Variants in LNP1 observed in about 807,000 individuals in gnomAD.
The protein encoded by LNP1 is leukemia NUP98 fusion partner 1.
LNP1 carries 12 observed loss-of-function variants against 14.5 expected under a neutral mutation model. That is an observed-to-expected ratio of 0.83 (90% confidence interval 0.53 to 1.34). LNP1 has a LOEUF of 1.34. Among genes scored for constraint, LNP1 ranks in the 40% most tolerant of loss-of-function variants. The pLI is 0.00. For missense variants in LNP1, 198 were observed against 210.9 expected, an observed-to-expected ratio of 0.94 and a Z score of 0.38; for synonymous variants, 75 against 71.4, an observed-to-expected ratio of 1.05 and a Z score of -0.26.
At chr3:100,447,391 T>C (rs58560286) in intron 2 of LNP1, among the ~76,000 whole-genome samples, 12,960 of 152,088 alleles carry the variant, frequency 0.085, 570 homozygotes, top group South Asian at 0.1. Flanking sequence ...TAGGTGGGAA[T>C]TGAACAATGA....
chr3:100,416,074 T>C (rs1707080825), intron 1 of LNP1, among the ~76,000 whole-genome samples: 1 of 152,242 alleles, frequency 6.6e-6, no homozygotes, highest in Admixed American at 6.5e-5. Context: ...TTGATTCCTT[T>C]GCAAGGCAGA....
chr3:100,440,494 C>T (rs1408076094), intron 2 of LNP1, among the ~76,000 whole-genome samples: 3 of 152,174 alleles, frequency 2.0e-5, no homozygotes, highest in African/African-American at 7.2e-5. Context: ...TAGTTCCTGT[C>T]TCCCTGTACT....
chr3:100,430,031 T>G, intron 2 of LNP1, 146 bp downstream of exon 2: 1 of 770,038 alleles, frequency 1.3e-6, no homozygotes, highest in Non-Finnish European at 2.1e-6. Flanking sequence ...CACAGAAATC[T>G]CTCTTATTAT....
At chr3:100,431,719 G>A (rs1304791951) in intron 2 of LNP1, among the ~76,000 whole-genome samples, 3 of 151,058 alleles carry the variant, frequency 2.0e-5, no homozygotes, top group Non-Finnish European at 4.4e-5. Flanking sequence ...TTGGCGTGGT[G>A]CCATGGTTCA....
intron 1 of LNP1, among the ~76,000 whole-genome samples, chr3:100,423,726 A>G (rs529289830): frequency 3.3e-5 from 5 of 152,200 alleles, no homozygotes; most frequent in African/African-American, 1.2e-4. Context: ...CTTGAGTGTC[A>G]GCATGATACT....
intron 1 of LNP1, among the ~76,000 whole-genome samples, chr3:100,427,559 C>G (rs542257778): frequency 6.6e-6 from 1 of 152,324 alleles, no homozygotes; most frequent in East Asian, 1.9e-4. Flanking sequence ...TTTCCCAAAC[C>G]CTGCTTTAGC....
At chr3:100,429,657 G>A (rs1386058820) in intron 1 of LNP1, 40 bp from the exon 2 acceptor site, 2 of 1,357,350 alleles carry the variant, frequency 1.5e-6, no homozygotes, top group African/African-American at 2.9e-5. Context: ...GGGTTTCATT[G>A]TCAGCCCTGT....
chr3:100,439,440 C>A (rs1576234316), intron 2 of LNP1, among the ~76,000 whole-genome samples: 1 of 152,124 alleles, frequency 6.6e-6, no homozygotes, highest in African/African-American at 2.4e-5. Context: ...CACTGTGCTC[C>A]CCAGCACCAC....
chr3:100,416,599 TTGTGTGTG>T (rs769199967), intron 1 of LNP1, among the ~76,000 whole-genome samples: 29 of 94,662 alleles, frequency 3.1e-4, no homozygotes, highest in African/African-American at 4.2e-4. Flanking sequence ...TATATCTTTT[TTGTGTGTG>T]TGTGTGTGTG....
Position 100,455,780 on chromosome 3 carries a change from C to G in LNP1, c.391C>G (p.Pro131Ala). ...FRTKRSASLG[P>A]ESRKERNERE... is the part of the protein sequence containing the mutation. ...GTTTCTGATCTTTCCCTTTCAGGGA[C>G]CTGAAAGCAGAAAGGAGAGAAATGA... The change falls in exon 4 of 4, where the codon CCT becomes GCT. Residue 131 changes from proline to alanine, a missense_variant. Transcript: ENST00000383693. The G allele has an allele frequency of 6.2e-7, 1 of 1,613,724 alleles. No homozygotes were observed.
At chr3:100,452,866 T>G (rs1199506312) in intron 3 of LNP1, among the ~76,000 whole-genome samples, 1 of 152,136 alleles carries the variant, frequency 6.6e-6, no homozygotes, top group East Asian at 1.9e-4. Flanking sequence ...TCAATTAATG[T>G]GGGGGTAGTT....
intron 2 of LNP1, among the ~76,000 whole-genome samples, chr3:100,431,968 C>T (rs1707245589): frequency 7.7e-6 from 1 of 129,292 alleles, no homozygotes; most frequent in African/African-American, 3.1e-5. Context: ...GCTTTCCAAC[C>T]TGGGTAACAG....
chr3:100,425,469 C>T (rs1174239956), intron 1 of LNP1, among the ~76,000 whole-genome samples: 1 of 152,162 alleles, frequency 6.6e-6, no homozygotes, highest in African/African-American at 2.4e-5. Flanking sequence ...TGAATCAAGC[C>T]AGCATCCTGG....
intron 2 of LNP1, among the ~76,000 whole-genome samples, chr3:100,432,643 A>G (rs75137033): frequency 0.038 from 5,733 of 152,308 alleles, 389 homozygotes; most frequent in East Asian, 0.31. Context: ...TCCTTAGTGA[A>G]AAAACATAAT....
intron 1 of LNP1, among the ~76,000 whole-genome samples, chr3:100,404,273 T>C (rs1367020788): frequency 1.3e-5 from 2 of 152,244 alleles, no homozygotes; most frequent in Non-Finnish European, 2.9e-5. Context: ...AATGTTCTTT[T>C]CCTTGGCTTC....
chr3:100,412,690 A>C (rs1220010715), intron 1 of LNP1, among the ~76,000 whole-genome samples: 4 of 152,194 alleles, frequency 2.6e-5, no homozygotes, highest in African/African-American at 7.2e-5. Flanking sequence ...ATGTCAGAGC[A>C]AAGTAATATG....
intron 1 of LNP1, among the ~76,000 whole-genome samples, chr3:100,410,942 G>A (rs1707026354): frequency 1.3e-5 from 2 of 152,102 alleles, no homozygotes; most frequent in Admixed American, 1.3e-4. Context: ...GTTTTGGTGG[G>A]TCAGGAACCC....
At chr3:100,412,689 C>T (rs1347849472) in intron 1 of LNP1, among the ~76,000 whole-genome samples, 1 of 152,244 alleles carries the variant, frequency 6.6e-6, no homozygotes, top group South Asian at 2.1e-4. Flanking sequence ...TATGTCAGAG[C>T]AAAGTAATAT....
At chr3:100,455,290 T>C (rs1707499873) in intron 3 of LNP1, among the ~76,000 whole-genome samples, 1 of 152,196 alleles carries the variant, frequency 6.6e-6, no homozygotes, top group Non-Finnish European at 1.5e-5. Context: ...TGGGGACACA[T>C]GTCGGGGGGT....
Sources: gnomAD v4.1 joint callset for allele counts (sites outside exome capture counted in the v4.1 genomes callset) on GRCh38, gnomAD v4.1.1 for gene constraint, MANE v1.5 for transcripts, NCBI Gene and HGNC (gene_info 2026-07-23, HGNC 2026-07-21) for gene names.